The following CDH23 variants were observed in gnomAD, a reference collection of about 807,000 sequenced individuals.
CDH23 encodes cadherin related 23, also known as cadherin-23.
In CDH23, 189 loss-of-function variants were observed where a neutral mutation model predicts 317.1. That is an observed-to-expected ratio of 0.60 (90% CI 0.53 to 0.67). The LOEUF is 0.67. Ranked by LOEUF, CDH23 falls within the 30% of genes least tolerant of loss-of-function variation. CDH23 has a pLI of 0.00. For synonymous variants in CDH23, 1,839 were observed against 1,876.8 expected (o/e 0.98, Z 0.52); for missense variants, 4,401 against 4,592.4 (o/e 0.96, Z 1.20).
At chr10:71,613,595 G>A (rs1338768009) in intron 9 of CDH23, among the ~76,000 whole-genome samples, 1 of 152,252 alleles carries the variant, frequency 6.6e-6, no homozygotes, top group Non-Finnish European at 1.5e-5. Flanking sequence ...GACCAGCACA[G>A]GCAGGTGACT....
At chr10:71,806,732 A>G (rs185417945) in intron 57 of CDH23, among the ~76,000 whole-genome samples, 1 of 152,262 alleles carries the variant, frequency 6.6e-6, no homozygotes, top group African/African-American at 2.4e-5. Flanking sequence ...ACCCGCCACC[A>G]TGCCCAGCTA....
chr10:71,674,694 G>C (rs1189064906), intron 14 of CDH23, among the ~76,000 whole-genome samples: 1 of 152,188 alleles, frequency 6.6e-6, no homozygotes, highest in African/African-American at 2.4e-5. Flanking sequence ...CATAATCCTT[G>C]CATGGATTAT....
rs1368857827 is a variant in CDH23 at position 71,800,610 on chromosome 10, ACCTAAAGCCAC to A, written c.7363-22_7363-12del. The stretch of plus-strand genomic sequence containing the variant: ...TAAATATCTTTTGAATGATTGAAGG[ACCTAAAGCCAC>A]CCTCCCCCTACTAGGGTGACATCTA... On this transcript the variant is annotated splice_polypyrimidine_tract_variant and intron_variant, in intron 52 of 69. Transcript: ENST00000224721. The A allele has an allele frequency of 6.2e-7, 1 of 1,610,836 alleles. No homozygotes were observed. The highest frequency in any genetic ancestry group is 1.7e-5 in the Admixed American group (1 of 59,382).
intron 3 of CDH23, among the ~76,000 whole-genome samples, chr10:71,500,977 C>A (rs1176576686): frequency 6.6e-6 from 1 of 152,080 alleles, no homozygotes; most frequent in Non-Finnish European, 1.5e-5. Flanking sequence ...TCTAGCAATT[C>A]TCCTGCCTCA....
intron 14 of CDH23, among the ~76,000 whole-genome samples, chr10:71,648,234 C>T (rs186671422): frequency 1.3e-5 from 2 of 152,226 alleles, no homozygotes; most frequent in Admixed American, 6.5e-5. Flanking sequence ...GCGCTTGAGG[C>T]CCCCTGGACC....
At chr10:71,745,428 C>T (rs775757350) in intron 38 of CDH23, among the ~76,000 whole-genome samples, 1 of 152,184 alleles carries the variant, frequency 6.6e-6, no homozygotes, top group African/African-American at 2.4e-5. Context: ...AGGCCAAGGG[C>T]AGGACTCTCT....
chr10:71,560,992 G>C (rs1564653486), intron 6 of CDH23, among the ~76,000 whole-genome samples: 1 of 152,112 alleles, frequency 6.6e-6, no homozygotes, highest in African/African-American at 2.4e-5. Context: ...AATCTTGAAG[G>C]GGGTGAAGGG....
intron 3 of CDH23, among the ~76,000 whole-genome samples, chr10:71,463,590 G>A (rs1016993689): frequency 1.3e-5 from 2 of 152,196 alleles, no homozygotes; most frequent in African/African-American, 4.8e-5. Context: ...GAGGGTGGGG[G>A]AAGTTAGTAT....
intron 1 of CDH23, among the ~76,000 whole-genome samples, chr10:71,420,491 A>T (rs199563256): frequency 1.2e-5 from 1 of 84,270 alleles, no homozygotes; most frequent in Non-Finnish European, 2.6e-5. Flanking sequence ...GGTGATGGTG[A>T]TGATGGTAAT....
chr10:71,723,635 C>A (rs868362991), intron 28 of CDH23, among the ~76,000 whole-genome samples: 1 of 152,090 alleles, frequency 6.6e-6, no homozygotes, highest in African/African-American at 2.4e-5. Flanking sequence ...CAAGGAAATG[C>A]GGGCAAGAAG....
At chr10:71,543,621 C>T (rs1017227289) in intron 6 of CDH23, among the ~76,000 whole-genome samples, 3 of 152,224 alleles carry the variant, frequency 2.0e-5, no homozygotes, top group Non-Finnish European at 4.4e-5. Flanking sequence ...TTTTACAAGT[C>T]CTCATGCTTC....
At chr10:71,585,386 C>A (rs1203973199) in intron 9 of CDH23, among the ~76,000 whole-genome samples, 1 of 152,172 alleles carries the variant, frequency 6.6e-6, no homozygotes, top group Non-Finnish European at 1.5e-5. Context: ...TTGATCCCAG[C>A]ACAAGGATGG....
chr10:71,739,853 C>T (rs1248526511), intron 36 of CDH23, 81 bp downstream of exon 36: 1 of 1,455,932 alleles, frequency 6.9e-7, no homozygotes, highest in African/African-American at 1.4e-5. Context: ...AGGAGAGAGC[C>T]TGTCCATCAG....
chr10:71,811,272 G>A (rs761639670), intron 62 of CDH23, 43 bp from the exon 63 acceptor site: 5 of 1,613,170 alleles, frequency 3.1e-6, no homozygotes, highest in African/African-American at 1.3e-5. Flanking sequence ...GGTGGTGGGG[G>A]AATGGCTGAG....
At chr10:71,793,869 GA>G (rs1201937044) in intron 48 of CDH23, among the ~76,000 whole-genome samples, 2 of 152,088 alleles carry the variant, frequency 1.3e-5, no homozygotes, top group Non-Finnish European at 2.9e-5. Context: ...TGGCCTTCCT[GA>G]TTCCCTCGCC....
chr10:71,432,543 T>A (rs28575164), intron 1 of CDH23, among the ~76,000 whole-genome samples: 18 of 151,386 alleles, frequency 1.2e-4, no homozygotes, highest in Non-Finnish European at 1.9e-4. Flanking sequence ...TGTGAGAGAG[T>A]GTGTGTGTGT....
At chr10:71,649,510 G>A (rs1863064075) in intron 14 of CDH23, among the ~76,000 whole-genome samples, 1 of 152,176 alleles carries the variant, frequency 6.6e-6, no homozygotes, top group Non-Finnish European at 1.5e-5. Flanking sequence ...AATAGGAAGG[G>A]CTGTCACCAC....
At chr10:71,499,575 C>T (rs1853163822) in intron 3 of CDH23, among the ~76,000 whole-genome samples, 2 of 149,726 alleles carry the variant, frequency 1.3e-5, no homozygotes, top group Non-Finnish European at 3.0e-5. Context: ...TGCCGTGGCT[C>T]ACGCCTGTAA....
intron 38 of CDH23, among the ~76,000 whole-genome samples, chr10:71,743,981 G>A (rs1839796228): frequency 6.6e-6 from 1 of 152,198 alleles, no homozygotes. Flanking sequence ...AAGGGCTATG[G>A]CAGCTACTTC....
Sources: gnomAD v4.1 joint callset for allele counts (sites outside exome capture counted in the v4.1 genomes callset) on GRCh38, gnomAD v4.1.1 for gene constraint, MANE v1.5 for transcripts, NCBI Gene and HGNC (gene_info 2026-07-23, HGNC 2026-07-21) for gene names.